The following RGS6 variants were observed in gnomAD, a reference collection of about 807,000 sequenced individuals.
The protein encoded by RGS6 is regulator of G protein signaling 6.
Under a neutral mutation model 78.5 loss-of-function variants are expected in RGS6, and 30 were observed. The observed-to-expected ratio is 0.38, with a 90% CI of 0.29 to 0.52. The LOEUF (loss-of-function observed/expected upper bound fraction) is 0.52, where lower values mean the gene tolerates loss of function less well. Among genes scored for constraint, RGS6 ranks in the 20% least tolerant of loss-of-function variants. RGS6 has a pLI of 0.85. For missense variants in RGS6, 495 were observed against 609.7 expected, an observed-to-expected ratio of 0.81 and a Z score of 1.98; for synonymous variants, 206 against 206.0, an observed-to-expected ratio of 1.00 and a Z score of 0.00.
chr14:72,260,419 G>A lies in RGS6; in HGVS notation c.85-91676G>A, dbSNP rs543957065. Among the ~76,000 whole-genome samples the A allele has an allele frequency of 7.0e-4, 107 of 152,330 alleles. 1 individual carries two copies. Among genetic ancestry groups the A allele is most frequent in the Middle Eastern group, 3.4e-3 (1 of 294 alleles). On this transcript the variant is annotated intron_variant, in intron 2 of 17. Coordinates refer to ENST00000553525, the MANE Select transcript of RGS6 (RefSeq NM_001204424.2). Reference sequence around the variant, plus strand: ...ATTCTAAAACATGCTGCTAGACATGGATATAGAGTGTTTAATAAAAGATGT... The same window carrying A: ...ATTCTAAAACATGCTGCTAGACATGAATATAGAGTGTTTAATAAAAGATGT...
chr14:72,141,093 A>G (rs1381763406), intron 2 of RGS6, among the ~76,000 whole-genome samples: 1 of 152,152 alleles, frequency 6.6e-6, no homozygotes, highest in Non-Finnish European at 1.5e-5. Flanking sequence ...GTCATTCTCT[A>G]TTTACATTTT....
chr14:72,304,035 G>A (rs986060193), intron 2 of RGS6, among the ~76,000 whole-genome samples: 31 of 152,166 alleles, frequency 2.0e-4, no homozygotes, highest in African/African-American at 6.8e-4. Context: ...CAACCTAACA[G>A]GTTTCACCTC....
At chr14:71,997,546 G>A (rs1293510006) in intron 2 of RGS6, among the ~76,000 whole-genome samples, 1 of 152,160 alleles carries the variant, frequency 6.6e-6, no homozygotes, top group Admixed American at 6.5e-5. Context: ...TTTTCAAAAT[G>A]TCTGTGTCCT....
chr14:72,038,409 A>G (rs1284714832), intron 2 of RGS6, among the ~76,000 whole-genome samples: 1 of 152,114 alleles, frequency 6.6e-6, no homozygotes, highest in Admixed American at 6.6e-5. Context: ...CTTTAGAATC[A>G]CCTTAGTTCT....
In RGS6 at chr14:72,441,544, A is replaced by G. The variant is rs1424308292; in HGVS notation, c.185-12984A>G. ...GCTGGCCTCTTGCAGCCGACCAGGC[A>G]CTGAGCGCCATCCCAGGGCCCTCGC... On this transcript the variant is annotated intron_variant, in intron 3 of 17. Coordinates refer to ENST00000553525, the MANE Select transcript of RGS6 (RefSeq NM_001204424.2). Among the ~76,000 whole-genome samples, 3 of 152,358 alleles carry G rather than the reference A, an allele frequency of 2.0e-5. No homozygotes were observed. The East Asian group carries it at 5.8e-4, about 29-fold the overall frequency.
At chr14:72,544,850 G>T (rs1404765590) in intron 17 of RGS6, among the ~76,000 whole-genome samples, 1 of 152,218 alleles carries the variant, frequency 6.6e-6, no homozygotes, top group African/African-American at 2.4e-5. Flanking sequence ...AGGCAGCTCT[G>T]CAGAGAGAAA....
intron 2 of RGS6, among the ~76,000 whole-genome samples, chr14:71,999,046 G>A (rs2082892434): frequency 1.3e-5 from 2 of 148,538 alleles, no homozygotes; most frequent in African/African-American, 4.9e-5. Context: ...CTGAGCAACA[G>A]AGTGTGAGAC....
chr14:72,028,811 T>A (rs769493962), intron 2 of RGS6, among the ~76,000 whole-genome samples: 1 of 152,248 alleles, frequency 6.6e-6, no homozygotes. Flanking sequence ...GCCCTCTGTT[T>A]GTTGCTTTTG....
intron 12 of RGS6, among the ~76,000 whole-genome samples, chr14:72,491,226 C>A (rs1209481595): frequency 6.6e-6 from 1 of 151,980 alleles, no homozygotes; most frequent in Non-Finnish European, 1.5e-5. Context: ...AATATTCATA[C>A]CTTTTGGTCA....
chr14:72,236,884 G>T lies in RGS6; in HGVS notation c.85-115211G>T, dbSNP rs571554797. Among the ~76,000 whole-genome samples, 4 of 152,296 alleles carry T rather than the reference G, an allele frequency of 2.6e-5. No homozygotes were observed. In the South Asian group the frequency reaches 8.3e-4, roughly 32 times the overall value. ...CTCACCTCCCAGATGGGCGGCGGCC[G>T]GGCAAAGGTGCTCCTGCTTCCCAGA... On this transcript the variant is annotated intron_variant, in intron 2 of 17. Coordinates refer to ENST00000553525, the MANE Select transcript of RGS6 (RefSeq NM_001204424.2).
intron 2 of RGS6, among the ~76,000 whole-genome samples, chr14:72,235,118 G>A (rs2050677436): frequency 6.6e-6 from 1 of 152,296 alleles, no homozygotes; most frequent in East Asian, 1.9e-4. Flanking sequence ...GGGGACAGCA[G>A]GTCTTTGCCA....
At chr14:72,087,437 CAT>C (rs551060263) in intron 2 of RGS6, among the ~76,000 whole-genome samples, 1 of 151,158 alleles carries the variant, frequency 6.6e-6, no homozygotes, top group Admixed American at 6.6e-5. Context: ...GGCCGAAATG[CAT>C]ATATATATAT....
rs760072084 is a variant in RGS6 at position 72,090,112 on chromosome 14, C to CAAAAA, written c.84+125250_84+125254dup. ...CGGGTGACAGAGCAAGACTCCATCT[C>CAAAAA]AAAAAAAAAAAAAAAAATAAAGCCT... On this transcript the variant is annotated intron_variant, in intron 2 of 17. Coordinates refer to ENST00000553525, the MANE Select transcript of RGS6 (RefSeq NM_001204424.2). Among the ~76,000 whole-genome samples, 8 of 44,416 alleles carry CAAAAA rather than the reference C, an allele frequency of 1.8e-4. 1 individual carries two copies. The highest frequency in any genetic ancestry group is 3.8e-4 in the Non-Finnish European group (7 of 18,600). The allele number at this position is 44,416 out of a possible 152,430, so 29.1% of individuals were successfully genotyped here.
At chr14:72,596,267 A>C in the RGS6 span, among the ~76,000 whole-genome samples, 1 of 152,058 alleles carries the variant, frequency 6.6e-6, no homozygotes, top group Non-Finnish European at 1.5e-5. Flanking sequence ...CCATCTCCAA[A>C]GTCAGATCTT....
intron 3 of RGS6, among the ~76,000 whole-genome samples, chr14:72,386,552 A>T (rs2088123205): frequency 6.6e-6 from 1 of 152,006 alleles, no homozygotes; most frequent in Non-Finnish European, 1.5e-5. Flanking sequence ...TAATAATAAT[A>T]GTATTTGGAG....
At chr14:72,008,685 A>G (rs1024139247) in intron 2 of RGS6, among the ~76,000 whole-genome samples, 2 of 152,188 alleles carry the variant, frequency 1.3e-5, no homozygotes, top group Non-Finnish European at 2.9e-5. Flanking sequence ...AGTTGAGGAC[A>G]TTCAGGCAGT....
At chr14:72,157,751 A>G (rs1029629921) in intron 2 of RGS6, among the ~76,000 whole-genome samples, 19 of 152,188 alleles carry the variant, frequency 1.2e-4, no homozygotes, top group African/African-American at 4.3e-4. Flanking sequence ...TAATATTAAT[A>G]CTTAACCACT....
chr14:72,060,706 G>A (rs911455350), intron 2 of RGS6, among the ~76,000 whole-genome samples: 9 of 152,288 alleles, frequency 5.9e-5, no homozygotes, highest in South Asian at 2.1e-4. Context: ...TGCCAAGGAC[G>A]CATCAGCAGA....
At chr14:72,161,318 G>A (rs1034481816) in intron 2 of RGS6, among the ~76,000 whole-genome samples, 5 of 152,164 alleles carry the variant, frequency 3.3e-5, no homozygotes, top group African/African-American at 1.2e-4. Context: ...AAACCACCAT[G>A]GCACGTGTAT....
Sources: gnomAD v4.1 joint callset for allele counts (sites outside exome capture counted in the v4.1 genomes callset) on GRCh38, gnomAD v4.1.1 for gene constraint, MANE v1.5 for transcripts, NCBI Gene and HGNC (gene_info 2026-07-23, HGNC 2026-07-21) for gene names.